The following BCR variants were observed in gnomAD, a reference collection of about 807,000 sequenced individuals.
BCR encodes BCR activator of RhoGEF and GTPase.
A neutral mutation model predicts 138.6 loss-of-function variants in BCR; 58 were observed. That is an observed-to-expected ratio of 0.42 (90% CI 0.34 to 0.52). The LOEUF (loss-of-function observed/expected upper bound fraction) is 0.52. Among genes scored for constraint, BCR ranks in the 20% least tolerant of loss-of-function variants. The probability of loss-of-function intolerance (pLI) is 0.06; values close to 1 mark genes in which losing one functional copy is unlikely to be tolerated. For synonymous variants in BCR, 786 were observed against 730.1 expected (o/e 1.08, Z -1.23); for missense variants, 1,599 against 1,727.2 (o/e 0.93, Z 1.32).
At chr22:23,311,488 T>A (rs1333630456) in intron 18 of BCR, among the ~76,000 whole-genome samples, 1 of 151,974 alleles carries the variant, frequency 6.6e-6, no homozygotes, top group African/African-American at 2.4e-5. Context: ...TTCTGGCCGC[T>A]TGAAAGGTTC....
chr22:23,218,014 C>T (rs533108244), intron 1 of BCR, among the ~76,000 whole-genome samples: 39 of 152,204 alleles, frequency 2.6e-4, no homozygotes, highest in Admixed American at 2.6e-4. Context: ...GGCAAATGGG[C>T]CTGGCTCCTG....
At chr22:23,250,414 A>T (rs903196491) in intron 1 of BCR, among the ~76,000 whole-genome samples, 1 of 152,180 alleles carries the variant, frequency 6.6e-6, no homozygotes, top group Admixed American at 6.5e-5. Context: ...TCGCAGCCTG[A>T]AGCTGTGGTT....
chr22:23,221,800 A>C (rs752619932), intron 1 of BCR, among the ~76,000 whole-genome samples: 1 of 152,144 alleles, frequency 6.6e-6, no homozygotes, highest in African/African-American at 2.4e-5. Context: ...TGTTATGAGA[A>C]GTGACAGCCA....
chr22:23,230,619 C>T (rs1240997683), intron 1 of BCR, among the ~76,000 whole-genome samples: 1 of 152,258 alleles, frequency 6.6e-6, no homozygotes. Flanking sequence ...GTCTGCTTTG[C>T]TTCAGACCCT....
At chr22:23,273,017 G>A in intron 6 of BCR, 64 bp from the exon 7 acceptor site, 1 of 1,566,478 alleles carries the variant, frequency 6.4e-7, no homozygotes, top group Non-Finnish European at 8.8e-7. Context: ...TGCACCGAGG[G>A]TGGTCAGGCA....
chr22:23,241,025 G>A (rs2073084442), intron 1 of BCR, among the ~76,000 whole-genome samples: 1 of 152,168 alleles, frequency 6.6e-6, no homozygotes, highest in Non-Finnish European at 1.5e-5. Flanking sequence ...CCTTTTTGAG[G>A]CTGAATAATA....
chr22:23,181,511 A>G lies in BCR; in HGVS notation c.551A>G (p.His184Arg), dbSNP rs2072260149. ...KPFYVNVEFH[H>R]ERGLVKVNDK... is the part of the protein sequence containing the mutation. Reference sequence around the variant, plus strand: ...TTCTACGTGAACGTCGAGTTTCACCACGAGCGCGGCCTGGTGAAGGTCAAC... The same window carrying G: ...TTCTACGTGAACGTCGAGTTTCACCGCGAGCGCGGCCTGGTGAAGGTCAAC... The change falls in exon 1 of 23, where the codon CAC becomes CGC. Residue 184 changes from histidine (H) to arginine (R), a missense_variant. Transcript: ENST00000305877. 2 of 1,612,596 alleles carry G rather than the reference A, an allele frequency of 1.2e-6. No homozygotes were observed. Among genetic ancestry groups the G allele is most frequent in the Non-Finnish European group, 1.7e-6 (2 of 1,179,674 alleles).
Position 23,303,026 on chromosome 22 carries a change from G to C in BCR, c.3013-6398G>C, listed in dbSNP as rs1441580464. 8.1e-5 allele frequency among the ~76,000 whole-genome samples: 12 copies of C among 148,992 alleles called. 1 individual carries two copies. Among genetic ancestry groups the C allele is most frequent in the East Asian group, 7.9e-4 (4 of 5,044 alleles). ...GTCACTCAACCGTCAAGGCTGCATG[G>C]CCCCCCCCACCCCAATTTAATTCAC... is the stretch of plus-strand genomic sequence containing the variant. On this transcript the variant is annotated intron_variant, in intron 16 of 22. Transcript: ENST00000305877.
intron 1 of BCR, among the ~76,000 whole-genome samples, chr22:23,233,111 G>C (rs752510645): frequency 3.9e-5 from 6 of 152,194 alleles, no homozygotes; most frequent in Non-Finnish European, 8.8e-5. Flanking sequence ...TATGCCTTCT[G>C]TTGTGTCCTG....
chr22:23,208,185 A>G (rs7290643), intron 1 of BCR, among the ~76,000 whole-genome samples: 10,352 of 152,154 alleles, frequency 0.068, 1,181 homozygotes, highest in African/African-American at 0.23. Context: ...AGAAACCTCA[A>G]TTGGGCCCTC....
chr22:23,281,713 G>C (rs1473840124), intron 8 of BCR, among the ~76,000 whole-genome samples: 1 of 152,192 alleles, frequency 6.6e-6, no homozygotes, highest in African/African-American at 2.4e-5. Context: ...AGCATCAAAA[G>C]AGTAGCCCAG....
chr22:23,258,033 G>A (rs1417312730), intron 2 of BCR, among the ~76,000 whole-genome samples: 3 of 152,188 alleles, frequency 2.0e-5, no homozygotes, highest in Non-Finnish European at 4.4e-5. Context: ...TGGAGTCACT[G>A]CCTACCCTGC....
At chr22:23,285,233 G>A in intron 10 of BCR, 32 bp downstream of exon 10, 3 of 1,592,486 alleles carry the variant, frequency 1.9e-6, no homozygotes, top group Non-Finnish European at 2.6e-6. Context: ...GCCGGGTTTG[G>A]TGTGGTCAGA....
At chr22:23,231,548 T>TAAAATAAAATAAAATAAAATA (rs148906561) in intron 1 of BCR, among the ~76,000 whole-genome samples, 3 of 137,758 alleles carry the variant, frequency 2.2e-5, no homozygotes, top group African/African-American at 5.3e-5. Context: ...TAAAATAAAA[T>TAAAATAAAATAAAATAAAATA]AAATAAAATA....
At chr22:23,242,789 T>C (rs1164492870) in intron 1 of BCR, 4 of 447,542 alleles carry the variant, frequency 8.9e-6, no homozygotes, top group Non-Finnish European at 1.8e-5. Context: ...CTTAGTGGCT[T>C]ACAACAACAA....
intron 2 of BCR, among the ~76,000 whole-genome samples, chr22:23,256,493 G>T (rs1281827825): frequency 6.6e-6 from 1 of 152,142 alleles, no homozygotes; most frequent in Non-Finnish European, 1.5e-5. Flanking sequence ...TATGCCTTGA[G>T]GGCCAGGTTC....
At chr22:23,233,741 G>A (rs980099497) in intron 1 of BCR, among the ~76,000 whole-genome samples, 2 of 145,344 alleles carry the variant, frequency 1.4e-5, no homozygotes, top group Admixed American at 1.4e-4. Flanking sequence ...TGTGAGCTGA[G>A]ATCACACCAC....
chr22:23,270,787 A>G (rs975142119), intron 5 of BCR, among the ~76,000 whole-genome samples: 2 of 152,244 alleles, frequency 1.3e-5, no homozygotes, highest in African/African-American at 4.8e-5. Flanking sequence ...TTAGGCACAC[A>G]GGGATCTTTT....
rs1164967488 is a variant in BCR, at chr22:23,273,720, C to A, written c.2061C>A (p.Ser687Arg). Residue 687 changes from serine (S) to arginine (R), a missense_variant, in exon 8 of 23, where the codon AGC (serine) becomes AGA (arginine). By Grantham distance (110) the Ser-to-Arg change is moderately radical. Around this residue, in one of 4 missense-constraint regions of BCR, gnomAD observed 590 missense variants for 762.4 expected, o/e 0.77. Transcript: ENST00000305877. ...ALRISQNFLS[S>R]INEEITPRRQ... Reference sequence around the variant, plus strand: ...GCATCTCACAGAACTTCCTGTCCAGCATCAATGAGGAGATCACACCCCGAC... The same window carrying A: ...GCATCTCACAGAACTTCCTGTCCAGAATCAATGAGGAGATCACACCCCGAC... 6.2e-7 allele frequency: 1 copy of A among 1,614,056 alleles called. No individual in the cohort carries two copies. The highest frequency in any genetic ancestry group is 8.5e-7 in the Non-Finnish European group (1 of 1,180,052).
Sources: gnomAD v4.1 joint callset for allele counts (sites outside exome capture counted in the v4.1 genomes callset) on GRCh38, gnomAD v4.1.1 for gene constraint, gnomAD v4.1.1 regional missense constraint, MANE v1.5 for transcripts, NCBI Gene and HGNC (gene_info 2026-07-23, HGNC 2026-07-21) for gene names.